Variants in PPM1B observed in about 807,000 individuals in gnomAD.
The protein encoded by PPM1B is protein phosphatase 1B.
A neutral mutation model predicts 43.0 loss-of-function variants in PPM1B; 22 were observed. The ratio of observed to expected loss-of-function variants is 0.51; its 90% CI spans 0.37 to 0.73. The LOEUF (loss-of-function observed/expected upper bound fraction) is 0.73. Ranked by LOEUF, PPM1B falls within the 30% of genes least tolerant of loss-of-function variation. The probability of loss-of-function intolerance (pLI) is 0.00; values close to 1 mark genes in which losing one functional copy is unlikely to be tolerated. For missense variants in PPM1B, 632 were observed against 584.2 expected (o/e 1.08, Z -0.84); for synonymous variants, 217 against 197.9 (o/e 1.10, Z -0.81).
downstream of PPM1B, among the ~76,000 whole-genome samples, chr2:44,238,664 T>G (rs1447156335): frequency 6.6e-6 from 1 of 151,570 alleles, no homozygotes; most frequent in African/African-American, 2.4e-5. Context: ...ATCGTGCCAC[T>G]GCACTCCAGC....
chr2:44,184,045 T>C (rs1479386696), intron 1 of PPM1B, among the ~76,000 whole-genome samples: 1 of 152,216 alleles, frequency 6.6e-6, no homozygotes, highest in African/African-American at 2.4e-5. Context: ...GCCTAGTTCT[T>C]AGTTTTACCA....
At chr2:44,194,935 G>T (rs368402246) in intron 1 of PPM1B, among the ~76,000 whole-genome samples, 1 of 120,802 alleles carries the variant, frequency 8.3e-6, no homozygotes, top group East Asian at 2.5e-4. Context: ...ATCTTACTCT[G>T]TCACCCAGGC....
chr2:44,242,766 C>A (rs1351661126), intron 5 of PPM1B, among the ~76,000 whole-genome samples: 4 of 135,306 alleles, frequency 3.0e-5, no homozygotes, highest in Non-Finnish European at 6.1e-5. Flanking sequence ...TGTTAATTGG[C>A]AGCATTTTTT....
rs867539106 is a variant in PPM1B at position 44,168,890 on chromosome 2, C to A, written c.-399C>A. The stretch of plus-strand genomic sequence containing the variant: ...GGAGGGGGTTGCAAAAGGAGCCGAG[C>A]GGCTTCTGCTCAATGGCGGAAAAGC... On this transcript the variant is annotated 5_prime_UTR_variant, in exon 1 of 6. Coordinates refer to ENST00000282412, the MANE Select transcript of PPM1B (RefSeq NM_002706.6). 51 of 152,964 alleles carry A rather than the reference C, an allele frequency of 3.3e-4. No individual in the cohort carries two copies. 9.5% of individuals were successfully genotyped at this position (152,964 alleles called of 1,614,324 possible). A position where few individuals can be genotyped will look rare whatever the true frequency, so the allele number is the denominator to read the frequency against.
intron 1 of PPM1B, among the ~76,000 whole-genome samples, chr2:44,176,614 A>G (rs184304063): frequency 3.1e-4 from 47 of 152,246 alleles, no homozygotes; most frequent in Non-Finnish European, 4.6e-4. Flanking sequence ...TGTTCTTTCT[A>G]TTGCTTTCCT....
At chr2:44,208,381 C>CTGTGTCAG (rs1328434673) in intron 2 of PPM1B, among the ~76,000 whole-genome samples, 3 of 152,110 alleles carry the variant, frequency 2.0e-5, no homozygotes, top group Non-Finnish European at 2.9e-5. Flanking sequence ...CAGTTACAGT[C>CTGTGTCAG]CCCCCTGTTA....
intron 5 of PPM1B, among the ~76,000 whole-genome samples, chr2:44,240,369 C>T (rs1384993326): frequency 6.9e-6 from 1 of 145,826 alleles, no homozygotes; most frequent in Non-Finnish European, 1.5e-5. Context: ...CACTCCCTTT[C>T]CTCCCCCTGT....
intron 1 of PPM1B, among the ~76,000 whole-genome samples, chr2:44,187,538 C>G (rs1329239775): frequency 1.3e-5 from 2 of 152,170 alleles, no homozygotes; most frequent in Non-Finnish European, 2.9e-5. Context: ...TCTTGGCCAT[C>G]TGAAAGTCCA....
At chr2:44,228,237 G>A (rs1670311116) in intron 5 of PPM1B, among the ~76,000 whole-genome samples, 1 of 146,674 alleles carries the variant, frequency 6.8e-6, no homozygotes, top group Non-Finnish European at 1.5e-5. Flanking sequence ...GTTCAGACTG[G>A]TGTTCATTGG....
At chr2:44,227,254 C>T (rs1311567868) in intron 5 of PPM1B, among the ~76,000 whole-genome samples, 1 of 152,128 alleles carries the variant, frequency 6.6e-6, no homozygotes, top group Non-Finnish European at 1.5e-5. Context: ...GGATTACAGG[C>T]ATGAGCCACC....
At chr2:44,245,333 C>T (rs1288025218), downstream of PPM1B, among the ~76,000 whole-genome samples, 1 of 152,158 alleles carries the variant, frequency 6.6e-6, no homozygotes, top group Non-Finnish European at 1.5e-5. Context: ...GCCAGATGAT[C>T]TTTCAGCAGC....
rs144987122 is a variant in PPM1B at position 44,201,484 on chromosome 2, T to C, written c.285T>C (p.Leu95=). The C allele has an allele frequency of 6.6e-5, 106 of 1,614,028 alleles. No homozygotes were observed. The highest frequency in any genetic ancestry group is 8.6e-5 in the Non-Finnish European group (102 of 1,179,982). The stretch of plus-strand genomic sequence containing the variant: ...CAGCTGGAAAATCAGGATCTGCTCT[T>C]GAGCTTTCAGTGGAAAATGTTAAGA... ...FRAAGKSGSA[L]ELSVENVKNG... The change falls in exon 2 of 6, where the codon CTT becomes CTC. Residue 95 remains leucine, a synonymous_variant. Coordinates refer to ENST00000282412, the MANE Select transcript of PPM1B (RefSeq NM_002706.6). The surrounding 1 kb of genome is among the most constrained non-coding windows in gnomAD (Gnocchi z 5.4).
At chr2:44,241,633 G>A (rs950243009) in intron 5 of PPM1B, among the ~76,000 whole-genome samples, 6 of 146,780 alleles carry the variant, frequency 4.1e-5, no homozygotes, top group Admixed American at 3.4e-4. Flanking sequence ...CTGGGAGGCT[G>A]AGGCAGGAGA....
chr2:44,217,286 C>A (rs1001587741), intron 3 of PPM1B, among the ~76,000 whole-genome samples: 2 of 151,768 alleles, frequency 1.3e-5, no homozygotes, highest in African/African-American at 4.8e-5. Context: ...GTAATCCCAG[C>A]TACTCGGGAG....
intron 5 of PPM1B, among the ~76,000 whole-genome samples, chr2:44,222,956 G>T (rs1670042467): frequency 1.3e-5 from 2 of 152,012 alleles, no homozygotes; most frequent in African/African-American, 2.4e-5. Context: ...TCAGCCTCCT[G>T]AGTAGCTGGG....
intron 5 of PPM1B, among the ~76,000 whole-genome samples, chr2:44,224,144 T>C (rs976335286): frequency 2.6e-5 from 4 of 152,128 alleles, no homozygotes; most frequent in Admixed American, 1.3e-4. Flanking sequence ...TCTACTGTTA[T>C]AAGTAGTCAT....
intron 5 of PPM1B, chr2:44,218,943 A>G: frequency 2.2e-6 from 1 of 448,938 alleles, no homozygotes; most frequent in Non-Finnish European, 4.4e-6. Flanking sequence ...TTTAATAACT[A>G]GACCTTTCAG....
At chr2:44,177,070 G>A (rs1432589113) in intron 1 of PPM1B, among the ~76,000 whole-genome samples, 5 of 152,156 alleles carry the variant, frequency 3.3e-5, no homozygotes, top group East Asian at 1.9e-4. Flanking sequence ...ATGAGCCACC[G>A]TGCCCGGCCT....
intron 2 of PPM1B, among the ~76,000 whole-genome samples, chr2:44,205,939 C>G (rs1669170056): frequency 6.6e-6 from 1 of 152,108 alleles, no homozygotes; most frequent in African/African-American, 2.4e-5. Flanking sequence ...TTGCTTGAAC[C>G]TGGGATGCAG....
Sources: allele counts gnomAD v4.1 joint callset (sites outside exome capture counted in the v4.1 genomes callset), GRCh38; gene constraint gnomAD v4.1.1; non-coding constraint Gnocchi (gnomAD v3.1); transcripts MANE v1.5; gene names NCBI Gene and HGNC (gene_info 2026-07-23, HGNC 2026-07-21).